Variants in SLC4A10 observed in about 807,000 individuals in gnomAD.
SLC4A10 encodes sodium-driven chloride bicarbonate exchanger.
In SLC4A10, 42 loss-of-function variants were observed where a neutral mutation model predicts 137.7. The ratio of observed to expected loss-of-function variants is 0.30; its 90% CI spans 0.24 to 0.39. The LOEUF is 0.39. SLC4A10 is among the 10% of genes least tolerant of loss of function. The pLI, the probability that SLC4A10 is intolerant of heterozygous loss-of-function variation, is 1.00. For synonymous variants in SLC4A10, 474 were observed against 464.1 expected, an observed-to-expected ratio of 1.02 and a Z score of -0.27; for missense variants, 925 against 1,355.0, an observed-to-expected ratio of 0.68 and a Z score of 4.98.
chr2:161,634,252 G>T (rs1261911196), intron 1 of SLC4A10, among the ~76,000 whole-genome samples: 1 of 151,850 alleles, frequency 6.6e-6, no homozygotes, highest in Admixed American at 6.6e-5. Flanking sequence ...TTCATGGTTA[G>T]ATTGAGGTTA....
At chr2:161,897,992 G>A (rs2063693115) in intron 11 of SLC4A10, among the ~76,000 whole-genome samples, 2 of 152,078 alleles carry the variant, frequency 1.3e-5, no homozygotes, top group African/African-American at 4.8e-5. Context: ...GGCCAATATT[G>A]TTTATGATTT....
At chr2:161,944,362 A>G (rs1032053413) in intron 16 of SLC4A10, among the ~76,000 whole-genome samples, 3 of 151,844 alleles carry the variant, frequency 2.0e-5, no homozygotes, top group Non-Finnish European at 4.4e-5. Context: ...GTTATATAAC[A>G]TGATAATTTA....
chr2:161,932,435 G>T (rs1690569516), intron 15 of SLC4A10, among the ~76,000 whole-genome samples: 1 of 152,194 alleles, frequency 6.6e-6, no homozygotes, highest in South Asian at 2.1e-4. Context: ...GGATACATTA[G>T]ATTCTACTTT....
intron 23 of SLC4A10, among the ~76,000 whole-genome samples, chr2:161,973,663 C>T (rs1559664022): frequency 1.3e-5 from 2 of 152,168 alleles, no homozygotes; most frequent in Non-Finnish European, 2.9e-5. Context: ...CTTTCCAACT[C>T]TCTAGAGTAG....
At chr2:161,879,528 C>A (rs946834127) in intron 9 of SLC4A10, among the ~76,000 whole-genome samples, 1 of 150,674 alleles carries the variant, frequency 6.6e-6, no homozygotes, top group Admixed American at 6.6e-5. Context: ...CTCAAGGTAC[C>A]CTGAAGCCAT....
intron 2 of SLC4A10, among the ~76,000 whole-genome samples, chr2:161,797,213 A>G (rs988428103): frequency 6.6e-6 from 1 of 152,106 alleles, no homozygotes; most frequent in African/African-American, 2.4e-5. Context: ...CTGCTCTAAT[A>G]TGAACTTCAC....
intron 1 of SLC4A10, among the ~76,000 whole-genome samples, chr2:161,635,125 C>G (rs1265271114): frequency 1.3e-5 from 2 of 151,994 alleles, no homozygotes; most frequent in Admixed American, 1.3e-4. Context: ...TGCAGTCTCT[C>G]TTTTACATTA....
intron 1 of SLC4A10, among the ~76,000 whole-genome samples, chr2:161,746,482 G>A (rs528298706): frequency 6.6e-6 from 1 of 151,914 alleles, no homozygotes; most frequent in African/African-American, 2.4e-5. Flanking sequence ...CTCACTTCAG[G>A]GCGCAGGTTC....
In SLC4A10 at chr2:161,839,782, T is replaced by G; in HGVS notation, c.278-7T>G. The G allele has an allele frequency of 6.2e-7, 1 of 1,613,376 alleles. No individual in the cohort carries two copies. Among genetic ancestry groups the G allele is most frequent in the East Asian group, 2.2e-5 (1 of 44,846 alleles). On this transcript the variant is annotated splice_region_variant and splice_polypyrimidine_tract_variant and intron_variant, in intron 3 of 26. Coordinates refer to ENST00000446997, the MANE Select transcript of SLC4A10 (RefSeq NM_001178015.2). ...GTTCATGGTAATACATGTCTCTGATTTTTTAGACACCCCATCACAGAGGGT... is the reference window on the plus strand; with the variant it reads ...GTTCATGGTAATACATGTCTCTGATGTTTTAGACACCCCATCACAGAGGGT...
intron 3 of SLC4A10, among the ~76,000 whole-genome samples, chr2:161,817,394 G>T (rs762952800): frequency 6.6e-6 from 1 of 152,156 alleles, no homozygotes; most frequent in Non-Finnish European, 1.5e-5. Flanking sequence ...TTTGTCAGAT[G>T]AGTAGGTTGC....
intron 1 of SLC4A10, among the ~76,000 whole-genome samples, chr2:161,680,410 T>C (rs561265906): frequency 6.6e-5 from 10 of 152,154 alleles, no homozygotes; most frequent in Non-Finnish European, 1.0e-4. Context: ...ATTAACATTG[T>C]GTGTACAGGG....
At chr2:161,707,045 C>T (rs1049909721) in intron 1 of SLC4A10, among the ~76,000 whole-genome samples, 6 of 151,428 alleles carry the variant, frequency 4.0e-5, no homozygotes, top group Admixed American at 1.3e-4. Flanking sequence ...GAAAGAGAGA[C>T]GATGTAGCTT....
At chr2:161,742,265 T>C (rs1441186299) in intron 1 of SLC4A10, among the ~76,000 whole-genome samples, 1 of 152,148 alleles carries the variant, frequency 6.6e-6, no homozygotes, top group African/African-American at 2.4e-5. Context: ...GTTTTGTGAC[T>C]AATGCTGGAA....
intron 1 of SLC4A10, among the ~76,000 whole-genome samples, chr2:161,649,759 T>C (rs1163623246): frequency 6.6e-6 from 1 of 150,590 alleles, no homozygotes; most frequent in African/African-American, 2.4e-5. Context: ...ATATGTATTA[T>C]ATATTTTAAT....
chr2:161,772,116 C>A (rs547567445), intron 2 of SLC4A10, among the ~76,000 whole-genome samples: 1 of 151,914 alleles, frequency 6.6e-6, no homozygotes, highest in South Asian at 2.1e-4. Context: ...CAAACATACT[C>A]AGATCTAAGA....
intron 1 of SLC4A10, among the ~76,000 whole-genome samples, chr2:161,738,796 C>T (rs887452778): frequency 3.5e-4 from 54 of 152,274 alleles, no homozygotes; most frequent in African/African-American, 1.2e-3. Context: ...GGTTTAGCCA[C>T]TGTGCTTGTC....
chr2:161,879,392 T>G (rs2061623398), intron 9 of SLC4A10, 104 bp downstream of exon 9: 2 of 1,216,546 alleles, frequency 1.6e-6, no homozygotes, highest in South Asian at 3.4e-5. Flanking sequence ...GACTAGAAAC[T>G]AATGTGAAAT....
At chr2:161,629,025 A>G (rs527599473) in intron 1 of SLC4A10, among the ~76,000 whole-genome samples, 1 of 152,086 alleles carries the variant, frequency 6.6e-6, no homozygotes, top group South Asian at 2.1e-4. Flanking sequence ...TGGTTGCTTC[A>G]GAAGTCTAAA....
At chr2:161,696,940 T>C in intron 1 of SLC4A10, among the ~76,000 whole-genome samples, 1 of 152,208 alleles carries the variant, frequency 6.6e-6, no homozygotes, top group East Asian at 1.9e-4. Flanking sequence ...AAAGTGTTCC[T>C]ATTTCTCCAC....
Sources: gnomAD v4.1 joint callset for allele counts (sites outside exome capture counted in the v4.1 genomes callset) on GRCh38, gnomAD v4.1.1 for gene constraint, MANE v1.5 for transcripts, NCBI Gene and HGNC (gene_info 2026-07-23, HGNC 2026-07-21) for gene names.